EPB41L4A: variants seen among roughly 807,000 people sequenced by gnomAD.
EPB41L4A encodes band 4.1-like protein 4A.
In EPB41L4A, 100 loss-of-function variants were observed where a neutral mutation model predicts 108.6. The observed-to-expected ratio is 0.92, with a 90% CI of 0.78 to 1.09. The LOEUF (loss-of-function observed/expected upper bound fraction) is 1.09, where lower values mean the gene tolerates loss of function less well. Ranked by LOEUF, EPB41L4A falls within the 50% of genes least tolerant of loss-of-function variation. The pLI is 0.00. For synonymous variants in EPB41L4A, 319 were observed against 289.0 expected (o/e 1.10, Z -1.05); for missense variants, 1,030 against 842.7 (o/e 1.22, Z -2.75).
chr5:112,231,086 T>A (rs756714146), intron 12 of EPB41L4A, among the ~76,000 whole-genome samples: 2 of 152,230 alleles, frequency 1.3e-5, no homozygotes, highest in African/African-American at 2.4e-5. Flanking sequence ...TGCTTAAAGA[T>A]ATCACTACAA....
intron 1 of EPB41L4A, among the ~76,000 whole-genome samples, chr5:112,363,828 T>A (rs552520643): frequency 2.0e-4 from 30 of 152,306 alleles, no homozygotes; most frequent in African/African-American, 7.2e-4. Flanking sequence ...AAACTGTAGG[T>A]TAGTGTTTTC....
At chr5:112,255,231 C>T (rs898837672) in intron 9 of EPB41L4A, among the ~76,000 whole-genome samples, 1 of 136,488 alleles carries the variant, frequency 7.3e-6, no homozygotes, top group South Asian at 2.2e-4. Context: ...TGCCAAAACT[C>T]CTCCAAAGAG....
At chr5:112,298,659 A>C (rs967502445) in intron 2 of EPB41L4A, among the ~76,000 whole-genome samples, 8 of 151,654 alleles carry the variant, frequency 5.3e-5, no homozygotes, top group Middle Eastern at 3.4e-3. Context: ...TGTTATACTG[A>C]CTTCACAGAA....
At chr5:112,235,984 GT>G (rs1171919955) in intron 11 of EPB41L4A, among the ~76,000 whole-genome samples, 1 of 152,090 alleles carries the variant, frequency 6.6e-6, no homozygotes, top group Non-Finnish European at 1.5e-5. Context: ...AAAGTGAAAA[GT>G]TTCATTATTA....
chr5:112,199,238 T>A (rs914566440), intron 15 of EPB41L4A, among the ~76,000 whole-genome samples: 2 of 152,234 alleles, frequency 1.3e-5, no homozygotes, highest in African/African-American at 4.8e-5. Context: ...TGAAAGCTAG[T>A]ATCCATAGTC....
At chr5:112,416,726 G>A (rs1762737203) in intron 1 of EPB41L4A, among the ~76,000 whole-genome samples, 2 of 152,156 alleles carry the variant, frequency 1.3e-5, no homozygotes, top group South Asian at 2.1e-4. Flanking sequence ...CACATCAATT[G>A]TACCTATGCA....
chr5:112,309,559 C>A (rs1324503538), intron 1 of EPB41L4A, among the ~76,000 whole-genome samples: 1 of 152,096 alleles, frequency 6.6e-6, no homozygotes, highest in Non-Finnish European at 1.5e-5. Flanking sequence ...GTGGGTCTTA[C>A]AAAATTCTAT....
downstream of EPB41L4A, among the ~76,000 whole-genome samples, chr5:112,159,953 G>A (rs1403592703): frequency 4.6e-4 from 67 of 146,666 alleles, no homozygotes; most frequent in African/African-American, 1.4e-3. Context: ...CCAGGCTGGA[G>A]TCAAGTGGCA....
intron 1 of EPB41L4A, among the ~76,000 whole-genome samples, chr5:112,325,943 G>C (rs1279772207): frequency 6.6e-6 from 1 of 152,160 alleles, no homozygotes; most frequent in East Asian, 1.9e-4. Context: ...CTTGAGGCCA[G>C]GAGTTTGAGA....
chr5:112,399,708 A>G (rs919674473), intron 1 of EPB41L4A, among the ~76,000 whole-genome samples: 8 of 152,152 alleles, frequency 5.3e-5, no homozygotes, highest in Non-Finnish European at 1.5e-5. Flanking sequence ...GCTTTGACCT[A>G]TCACACATCA....
rs1446762572 is a variant in EPB41L4A at position 112,204,424 on chromosome 5, T to A, written c.1327A>T (p.Asn443Tyr). 1 of 1,613,916 alleles carries A rather than the reference T, an allele frequency of 6.2e-7. No individual in the cohort carries two copies. Among genetic ancestry groups the A allele is most frequent in the Non-Finnish European group, 8.5e-7 (1 of 1,179,948 alleles). ...SPKFPYTRRR[N>Y]PSCGSDNDSV... ...TCATTGTCACTTCCACAGGAGGGGT[T>A]TCGGCGACGCGTGTAAGGGAACTTT... is the stretch of plus-strand genomic sequence containing the variant. The change falls in exon 15 of 23, where the codon AAC becomes TAC. Residue 443 changes from asparagine to tyrosine, a missense_variant. By Grantham distance (143) the Asn-to-Tyr change is moderately radical. Transcript: ENST00000261486.
At chr5:112,169,132 A>G in intron 20 of EPB41L4A, 27 bp from the exon 21 acceptor site, 2 of 1,494,800 alleles carry the variant, frequency 1.3e-6, no homozygotes, top group Non-Finnish European at 1.9e-6. Context: ...GAAACATGAA[A>G]ACAAACACCC....
At chr5:112,332,363 C>T (rs1275968321) in intron 1 of EPB41L4A, among the ~76,000 whole-genome samples, 1 of 152,162 alleles carries the variant, frequency 6.6e-6, no homozygotes, top group African/African-American at 2.4e-5. Context: ...TTGGGGACCA[C>T]CCAGGACCTT....
intron 1 of EPB41L4A, among the ~76,000 whole-genome samples, chr5:112,415,790 C>A (rs1029419772): frequency 6.6e-6 from 1 of 152,110 alleles, no homozygotes; most frequent in African/African-American, 2.4e-5. Flanking sequence ...GGGCTCAACA[C>A]ACAACCAATA....
intron 9 of EPB41L4A, among the ~76,000 whole-genome samples, chr5:112,255,798 G>A (rs1282099544): frequency 2.6e-5 from 4 of 152,024 alleles, no homozygotes; most frequent in Non-Finnish European, 5.9e-5. Context: ...GGCTCACATA[G>A]CTCACTTCTT....
intron 12 of EPB41L4A, among the ~76,000 whole-genome samples, chr5:112,232,708 G>C (rs546462606): frequency 1.5e-4 from 23 of 152,120 alleles, no homozygotes; most frequent in Non-Finnish European, 3.4e-4. Flanking sequence ...TGTTAATATT[G>C]TTACTAAAAA....
chr5:112,392,049 T>C (rs1477770192), intron 1 of EPB41L4A, among the ~76,000 whole-genome samples: 2 of 152,130 alleles, frequency 1.3e-5, no homozygotes, highest in African/African-American at 4.8e-5. Context: ...GCACCAGTCC[T>C]GGCTTACAAG....
intron 1 of EPB41L4A, among the ~76,000 whole-genome samples, chr5:112,368,263 T>C (rs898455623): frequency 4.6e-5 from 7 of 152,112 alleles, no homozygotes; most frequent in Non-Finnish European, 1.0e-4. Context: ...ACTTGTAAAA[T>C]ATTCCCTCAT....
intron 1 of EPB41L4A, among the ~76,000 whole-genome samples, chr5:112,323,154 C>A (rs772452601): frequency 5.9e-5 from 9 of 151,878 alleles, no homozygotes; most frequent in Non-Finnish European, 1.0e-4. Flanking sequence ...ACAAAACATG[C>A]AGATAACAGG....
Sources: gnomAD v4.1 joint callset for allele counts (sites outside exome capture counted in the v4.1 genomes callset) on GRCh38, gnomAD v4.1.1 for gene constraint, MANE v1.5 for transcripts, NCBI Gene and HGNC (gene_info 2026-07-23, HGNC 2026-07-21) for gene names.